Variants in TRPA1 observed in about 807,000 individuals in gnomAD.
The protein encoded by TRPA1 is transient receptor potential cation channel subfamily A member 1, also known as ankyrin-like with transmembrane domains 1.
A neutral mutation model predicts 131.3 loss-of-function variants in TRPA1; 129 were observed. The observed-to-expected ratio is 0.98, with a 90% CI of 0.85 to 1.14. The LOEUF (loss-of-function observed/expected upper bound fraction) is 1.14. Among genes scored for constraint, TRPA1 ranks in the 50% most tolerant of loss-of-function variants. TRPA1 has a pLI of 0.00. For synonymous variants in TRPA1, 441 were observed against 451.7 expected (o/e 0.98, Z 0.30); for missense variants, 1,304 against 1,354.2 (o/e 0.96, Z 0.58).
intron 17 of TRPA1, among the ~76,000 whole-genome samples, chr8:72,043,089 AC>A (rs1345958811): frequency 6.6e-6 from 1 of 151,876 alleles, no homozygotes; most frequent in South Asian, 2.1e-4. Flanking sequence ...AAGAAGAAAT[AC>A]CCAGACAAAT....
At chr8:72,053,147 G>C (rs1805569896) in intron 13 of TRPA1, 1 of 258,804 alleles carries the variant, frequency 3.9e-6, no homozygotes, top group South Asian at 4.8e-5. Flanking sequence ...GAACACAGAA[G>C]AAAATCCTCC....
chr8:72,081,641 C>T, the TRPA1 span, among the ~76,000 whole-genome samples: 2 of 151,766 alleles, frequency 1.3e-5, no homozygotes, highest in Non-Finnish European at 3.0e-5. Flanking sequence ...TCTCACAATT[C>T]TGTCAGGATT....
In TRPA1 at chr8:72,062,909, T is replaced by G; in HGVS notation, c.697A>C (p.Asn233His). The change falls in exon 6 of 27, where the codon AAC becomes CAC. Residue 233 changes from asparagine (N) to histidine (H), a missense_variant. Transcript: ENST00000262209. ...GTGGCTTTCCCATTATTCATAAAGT[T>G]AATGTGCAACTGTCTACTGTACCCA... ...EHGYSRQLHINFMNNGKATPL... is the reference protein window; with the variant it reads ...EHGYSRQLHIHFMNNGKATPL... 1.2e-6 allele frequency: 2 copies of G among 1,613,976 alleles called. No homozygotes were observed. The highest frequency in any genetic ancestry group is 1.7e-6 in the Non-Finnish European group (2 of 1,179,974).
chr8:72,039,460 C>A (rs1006402958), intron 18 of TRPA1, among the ~76,000 whole-genome samples: 2 of 151,970 alleles, frequency 1.3e-5, no homozygotes, highest in African/African-American at 2.4e-5. Context: ...CCCTCCCACC[C>A]TGCAAATATT....
intron 15 of TRPA1, among the ~76,000 whole-genome samples, chr8:72,048,052 C>T (rs1805392437): frequency 6.7e-6 from 1 of 150,048 alleles, no homozygotes; most frequent in South Asian, 2.1e-4. Context: ...GGGGGGTGGA[C>T]AGGATGGTGG....
At chr8:72,077,032 C>T (rs1358231037), upstream of TRPA1, among the ~76,000 whole-genome samples, 2 of 152,118 alleles carry the variant, frequency 1.3e-5, no homozygotes, top group African/African-American at 4.8e-5. Flanking sequence ...TTGCTGCCTA[C>T]CTGATATTTT....
intron 21 of TRPA1, 29 bp downstream of exon 21, chr8:72,036,259 G>T: frequency 6.2e-7 from 1 of 1,608,236 alleles, no homozygotes; most frequent in Non-Finnish European, 8.5e-7. Context: ...ATGCTTAAAG[G>T]ATGTGGAAAT....
intron 20 of TRPA1, 78 bp downstream of exon 20, chr8:72,037,905 A>G: frequency 2.4e-6 from 2 of 838,088 alleles, no homozygotes; most frequent in African/African-American, 1.7e-5. Flanking sequence ...TAATATCTCA[A>G]GTAATAGCTT....
chr8:72,081,783 A>T, the TRPA1 span, among the ~76,000 whole-genome samples: 21 of 151,700 alleles, frequency 1.4e-4, no homozygotes, highest in Non-Finnish European at 4.4e-5. Flanking sequence ...TTTAAAGTCT[A>T]TTTTATCTGA....
At position 72,022,936 on chromosome 8, in the gene TRPA1, G is replaced by A; in HGVS notation, c.3330C>T (p.Val1110=). 6.2e-7 allele frequency: 1 copy of A among 1,613,760 alleles called. No individual in the cohort carries two copies. ...NSRWNTVLRA[V]KAKTHHLEP ...GCTCAAGATGGTGTGTTTTTGCCTTGACTGCTCTCAACACAGTATTCCATC... is the reference window on the plus strand; with the variant it reads ...GCTCAAGATGGTGTGTTTTTGCCTTAACTGCTCTCAACACAGTATTCCATC... The change falls in exon 27 of 27, where the codon GTC becomes GTT. Residue 1110 remains valine (V), a synonymous_variant. Transcript: ENST00000262209.
rs779868654 is a variant in TRPA1 at position 72,052,769 on chromosome 8, T to C, written c.1645-4A>G. 6.2e-7 allele frequency: 1 copy of C among 1,612,424 alleles called. No individual in the cohort carries two copies. Among genetic ancestry groups the C allele is most frequent in the Non-Finnish European group, 8.5e-7 (1 of 1,179,764 alleles). On this transcript the variant is annotated splice_region_variant and splice_polypyrimidine_tract_variant and intron_variant, in intron 13 of 26. Transcript: ENST00000262209. ...CAGCAAAGTGAAGTGCAGTGTTCTT[T>C]TGAAGAAAAACAGACACAGAAAACG...
chr8:72,039,710 T>A lies in TRPA1; in HGVS notation c.2132+17A>T. The A allele has an allele frequency of 6.6e-7, 1 of 1,517,970 alleles. No individual in the cohort carries two copies. Among genetic ancestry groups the A allele is most frequent in the Non-Finnish European group, 9.1e-7 (1 of 1,093,036 alleles). The allele number at this position is 1,517,970 out of a possible 1,614,324, so 94.0% of individuals were successfully genotyped here. A position where few individuals can be genotyped will look rare whatever the true frequency, so the allele number is the denominator to read the frequency against. ...AATAGACACAGCATTAAACAAGAAATACTACTCAATACCCACCATTTCATG... is the reference window on the plus strand; with the variant it reads ...AATAGACACAGCATTAAACAAGAAAAACTACTCAATACCCACCATTTCATG... On this transcript the variant is annotated intron_variant, in intron 18 of 26. Coordinates refer to ENST00000262209, the MANE Select transcript of TRPA1 (RefSeq NM_007332.3).
chr8:72,045,458 C>T (rs1021764660), intron 17 of TRPA1, among the ~76,000 whole-genome samples: 1 of 151,298 alleles, frequency 6.6e-6, no homozygotes, highest in African/African-American at 2.4e-5. Flanking sequence ...AAATGGGCTA[C>T]TGAGCATTTA....
chr8:72,038,776 T>C, intron 19 of TRPA1, 89 bp downstream of exon 19: 2 of 1,128,510 alleles, frequency 1.8e-6, no homozygotes, highest in Non-Finnish European at 2.5e-6. Context: ...AAAGTCCTGA[T>C]ATGTCAGATT....
rs1473928083 is a variant in TRPA1 at position 72,028,578 on chromosome 8, T to G, written c.2937+1323A>C. 2.6e-5 allele frequency among the ~76,000 whole-genome samples: 4 copies of G among 152,224 alleles called. No homozygotes were observed. The East Asian group carries it at 7.7e-4, about 29-fold the overall frequency. ...CCTGATCCTGTGTTTGTTCTCTAAG[T>G]GTTCCAATCGCTCTGTGTCTCTGTA... On this transcript the variant is annotated intron_variant, in intron 24 of 26. Transcript: ENST00000262209.
chr8:72,073,556 C>T (rs1052840694), intron 1 of TRPA1, among the ~76,000 whole-genome samples: 1 of 152,166 alleles, frequency 6.6e-6, no homozygotes, highest in African/African-American at 2.4e-5. Context: ...TGATATGGAA[C>T]TACTACAGTT....
chr8:72,054,189 A>G (rs907847011), intron 12 of TRPA1: 4 of 347,734 alleles, frequency 1.2e-5, no homozygotes, highest in Non-Finnish European at 2.2e-5. Flanking sequence ...TTTTAAAGCT[A>G]TAATGAACTG....
intron 15 of TRPA1, 147 bp downstream of exon 15, chr8:72,050,631 C>A: frequency 1.6e-6 from 1 of 630,840 alleles, no homozygotes; most frequent in South Asian, 1.9e-5. Flanking sequence ...AGAAGGCCTT[C>A]CTTAAATAGT....
intron 10 of TRPA1, chr8:72,056,181 CTCT>C (rs1159419509): frequency 2.0e-5 from 7 of 347,682 alleles, no homozygotes; most frequent in Non-Finnish European, 3.8e-5. Flanking sequence ...TCTGCCCCTC[CTCT>C]TATTTCCTCC....
Sources: allele counts gnomAD v4.1 joint callset (sites outside exome capture counted in the v4.1 genomes callset), GRCh38; gene constraint gnomAD v4.1.1; transcripts MANE v1.5; gene names NCBI Gene and HGNC (gene_info 2026-07-23, HGNC 2026-07-21).